VWC2L: variants seen among roughly 807,000 people sequenced by gnomAD.
VWC2L encodes the protein von Willebrand factor C domain-containing protein 2-like.
A neutral mutation model predicts 21.6 loss-of-function variants in VWC2L; 10 were observed. The ratio of observed to expected loss-of-function variants is 0.46; its 90% CI spans 0.29 to 0.78. VWC2L has a LOEUF of 0.78. VWC2L is among the 30% of genes least tolerant of loss of function. The pLI, the probability that VWC2L is intolerant of heterozygous loss-of-function variation, is 0.10. For synonymous variants in VWC2L, 96 were observed against 94.3 expected (o/e 1.02, Z -0.10); for missense variants, 209 against 277.1 (o/e 0.75, Z 1.74).
At chr2:214,571,379 T>C (rs187555657) in intron 3 of VWC2L, among the ~76,000 whole-genome samples, 1 of 152,316 alleles carries the variant, frequency 6.6e-6, no homozygotes, top group East Asian at 1.9e-4. Flanking sequence ...ATGCACTTTT[T>C]ATGTGGTTTG....
At chr2:214,422,937 C>T (rs1219269228) in intron 2 of VWC2L, among the ~76,000 whole-genome samples, 1 of 152,082 alleles carries the variant, frequency 6.6e-6, no homozygotes, top group Non-Finnish European at 1.5e-5. Context: ...ATGAACAAAA[C>T]TCAAATACGT....
At chr2:214,432,042 C>G (rs1336702242) in intron 2 of VWC2L, among the ~76,000 whole-genome samples, 1 of 152,160 alleles carries the variant, frequency 6.6e-6, no homozygotes, top group African/African-American at 2.4e-5. Context: ...AGTCGGAAAC[C>G]TTTTTCCCCA....
intron 3 of VWC2L, among the ~76,000 whole-genome samples, chr2:214,564,821 G>A (rs993480681): frequency 1.3e-5 from 2 of 151,958 alleles, no homozygotes; most frequent in African/African-American, 2.4e-5. Context: ...GCCCTATTTT[G>A]GTGCAGTTTT....
At chr2:214,458,185 T>C (rs562996641) in intron 3 of VWC2L, among the ~76,000 whole-genome samples, 223 of 152,246 alleles carry the variant, frequency 1.5e-3, no homozygotes, top group African/African-American at 5.1e-3. Flanking sequence ...GTAGGTTGTA[T>C]GTGTCCATTG....
intron 3 of VWC2L, among the ~76,000 whole-genome samples, chr2:214,445,319 A>G (rs1702822664): frequency 6.6e-6 from 1 of 151,952 alleles, no homozygotes; most frequent in African/African-American, 2.4e-5. Flanking sequence ...TAATAGCAAC[A>G]ATTTGGAAAA....
chr2:214,540,009 C>G (rs964649289), intron 3 of VWC2L, among the ~76,000 whole-genome samples: 12 of 151,992 alleles, frequency 7.9e-5, no homozygotes, highest in African/African-American at 2.7e-4. Flanking sequence ...ATTGATGAAC[C>G]TACCATATCC....
chr2:214,511,860 CTATA>C (rs1302497007), intron 3 of VWC2L, among the ~76,000 whole-genome samples: 2 of 145,776 alleles, frequency 1.4e-5, no homozygotes, highest in African/African-American at 2.5e-5. Context: ...TATATATACT[CTATA>C]TATATACTTT....
intron 3 of VWC2L, among the ~76,000 whole-genome samples, chr2:214,546,488 T>C (rs1234663217): frequency 6.6e-6 from 1 of 152,182 alleles, no homozygotes; most frequent in Non-Finnish European, 1.5e-5. Flanking sequence ...GGAGTAATAT[T>C]GCACTTCTAT....
chr2:214,553,473 T>C (rs1168916611), intron 3 of VWC2L, among the ~76,000 whole-genome samples: 1 of 152,220 alleles, frequency 6.6e-6, no homozygotes, highest in African/African-American at 2.4e-5. Flanking sequence ...TCAAAGATTT[T>C]CTGATTGGCA....
intron 3 of VWC2L, among the ~76,000 whole-genome samples, chr2:214,517,747 CAAGGCAT>C (rs1689167741): frequency 6.6e-6 from 1 of 152,034 alleles, no homozygotes; most frequent in Non-Finnish European, 1.5e-5. Context: ...GGTGATAATA[CAAGGCAT>C]AATATTGGTT....
chr2:214,486,374 A>G (rs1314742340), intron 3 of VWC2L, among the ~76,000 whole-genome samples: 1 of 152,214 alleles, frequency 6.6e-6, no homozygotes, highest in Non-Finnish European at 1.5e-5. Context: ...TCTTACAAGA[A>G]ATCTTAGGAG....
chr2:214,559,449 T>C (rs1689929310), intron 3 of VWC2L, among the ~76,000 whole-genome samples: 3 of 152,116 alleles, frequency 2.0e-5, no homozygotes, highest in South Asian at 4.1e-4. Flanking sequence ...CCACTGCAGA[T>C]AGAAGCTGTT....
In VWC2L at chr2:214,501,191, G is replaced by A. The variant is rs374465493; in HGVS notation, c.520+64433G>A. On this transcript the variant is annotated intron_variant, in intron 3 of 3. Coordinates refer to ENST00000312504, the MANE Select transcript of VWC2L (RefSeq NM_001080500.4). ...CTATAGAACAAGTACACTCCCAAGC[G>A]GCAAACATATTCAGTAATTTTTCAC... Among the ~76,000 whole-genome samples the A allele has an allele frequency of 6.6e-5, 10 of 152,224 alleles. No homozygotes were observed. In the South Asian group the frequency reaches 1.0e-3, roughly 16 times the overall value.
At chr2:214,523,725 C>A (rs1689281386) in intron 3 of VWC2L, among the ~76,000 whole-genome samples, 1 of 152,086 alleles carries the variant, frequency 6.6e-6, no homozygotes, top group African/African-American at 2.4e-5. Context: ...TGTAATTACT[C>A]GGGAGGCTGA....
intron 3 of VWC2L, among the ~76,000 whole-genome samples, chr2:214,538,397 T>C (rs1269222409): frequency 6.6e-6 from 1 of 152,078 alleles, no homozygotes; most frequent in Non-Finnish European, 1.5e-5. Flanking sequence ...ATGAATATTA[T>C]CATGTTACAA....
intron 3 of VWC2L, among the ~76,000 whole-genome samples, chr2:214,558,731 C>T (rs1252233517): frequency 6.6e-6 from 1 of 152,046 alleles, no homozygotes; most frequent in South Asian, 2.1e-4. Context: ...TTAAAACCAG[C>T]GTCATCTATG....
chr2:214,472,163 T>G (rs1043420737), intron 3 of VWC2L: 1 of 152,178 alleles, frequency 6.6e-6, no homozygotes, highest in Non-Finnish European at 1.5e-5. Context: ...TCACATTGGC[T>G]TGAATTGAGA....
chr2:214,528,882 T>C (rs955955577), intron 3 of VWC2L, among the ~76,000 whole-genome samples: 14 of 152,220 alleles, frequency 9.2e-5, no homozygotes, highest in African/African-American at 3.4e-4. Context: ...AAGTTCATGA[T>C]AGAGTCTCTC....
chr2:214,472,683 G>A (rs987549092), intron 3 of VWC2L, among the ~76,000 whole-genome samples: 2 of 152,210 alleles, frequency 1.3e-5, no homozygotes, highest in African/African-American at 4.8e-5. Context: ...GGCATAGCAT[G>A]TCACCATGGT....
Sources: gnomAD v4.1 joint callset for allele counts (sites outside exome capture counted in the v4.1 genomes callset) on GRCh38, gnomAD v4.1.1 for gene constraint, MANE v1.5 for transcripts, NCBI Gene and HGNC (gene_info 2026-07-23, HGNC 2026-07-21) for gene names.